Variants in SIPA1L2 observed in about 807,000 individuals in gnomAD.
SIPA1L2 encodes the protein signal-induced proliferation-associated 1-like protein 2.
A neutral mutation model predicts 163.9 loss-of-function variants in SIPA1L2; 56 were observed. The observed-to-expected ratio is 0.34, with a 90% confidence interval of 0.28 to 0.43. The LOEUF (loss-of-function observed/expected upper bound fraction) is 0.43, where lower values mean the gene tolerates loss of function less well. Ranked by LOEUF, SIPA1L2 falls within the 20% of genes least tolerant of loss-of-function variation. The probability of loss-of-function intolerance (pLI) is 1.00; values close to 1 mark genes in which losing one functional copy is unlikely to be tolerated. For synonymous variants in SIPA1L2, 877 were observed against 865.7 expected (o/e 1.01, Z -0.23); for missense variants, 1,974 against 2,193.5 (o/e 0.90, Z 2.00).
intron 1 of SIPA1L2, among the ~76,000 whole-genome samples, chr1:232,594,437 C>T (rs1479825777): frequency 2.0e-5 from 3 of 152,126 alleles, no homozygotes; most frequent in East Asian, 1.9e-4. Context: ...GAACACCGAG[C>T]GGAGCCAGGG....
chr1:232,618,294 C>T (rs920853452), intron 1 of SIPA1L2, among the ~76,000 whole-genome samples: 3 of 152,158 alleles, frequency 2.0e-5, no homozygotes, highest in South Asian at 2.1e-4. Flanking sequence ...GACCTGGGGG[C>T]GGAAGGGATG....
At chr1:232,483,693 G>T (rs1665484248) in intron 6 of SIPA1L2, 99 bp downstream of exon 6, 5 of 1,339,052 alleles carry the variant, frequency 3.7e-6, no homozygotes, top group East Asian at 2.4e-5. Flanking sequence ...TGCTTCTGGG[G>T]CCGGGAACAG....
Position 232,514,919 on chromosome 1 carries a change from T to C in SIPA1L2, c.421A>G (p.Ile141Val), listed in dbSNP as rs756401040. The C allele has an allele frequency of 1.5e-5, 25 of 1,614,156 alleles. No homozygotes were observed. In the East Asian group the frequency reaches 2.2e-4, roughly 14 times the overall value. Residue 141 changes from isoleucine to valine, a missense_variant, in exon 3 of 23, where the codon ATC becomes GTC. By Grantham distance (29) the Ile-to-Val change is conservative. Around this residue, in one of 3 missense-constraint regions of SIPA1L2, gnomAD observed 607 missense variants for 624.0 expected, o/e 0.97. Coordinates refer to ENST00000674635, the MANE Select transcript of SIPA1L2 (RefSeq NM_020808.5). The part of the protein sequence containing the change: ...DLDFVEAKYT[I>V]GDIFVHSPQR... Reference sequence around the variant, plus strand: ...GGGGAATGGACAAAGATGTCTCCGATTGTGTACTTGGCCTCCACGAAGTCC... The same window carrying C: ...GGGGAATGGACAAAGATGTCTCCGACTGTGTACTTGGCCTCCACGAAGTCC...
intron 1 of SIPA1L2, among the ~76,000 whole-genome samples, chr1:232,583,472 TGAA>T (rs1313920797): frequency 6.6e-6 from 1 of 152,186 alleles, no homozygotes; most frequent in African/African-American, 2.4e-5. Context: ...TGATACAGCC[TGAA>T]GACCATCCAT....
chr1:232,441,767 C>G lies in SIPA1L2; in HGVS notation c.3538+1G>C. On this transcript the variant is annotated splice_donor_variant, in intron 13 of 22. Coordinates refer to ENST00000674635, the MANE Select transcript of SIPA1L2 (RefSeq NM_020808.5). LOFTEE classifies it high-confidence loss of function. ...GTCAATTTCCAGGAGTTCCTTATTA[C>G]CCGGGTGCCTGCTTGCTTCCATGGT... 1 of 1,613,414 alleles carries G rather than the reference C, an allele frequency of 6.2e-7. No homozygotes were observed. The highest frequency in any genetic ancestry group is 8.5e-7 in the Non-Finnish European group (1 of 1,179,588).
chr1:232,540,578 G>A (rs1451661273), intron 2 of SIPA1L2, among the ~76,000 whole-genome samples: 1 of 152,102 alleles, frequency 6.6e-6, no homozygotes, highest in Non-Finnish European at 1.5e-5. Context: ...CCAACCAGGG[G>A]TATCTCTGGC....
chr1:232,615,770 G>T (rs971311866), intron 1 of SIPA1L2, among the ~76,000 whole-genome samples: 11 of 151,808 alleles, frequency 7.2e-5, no homozygotes, highest in African/African-American at 2.7e-4. Flanking sequence ...CTTCCAATGA[G>T]GGGGGGCAGG....
chr1:232,504,302 G>A (rs761625339), intron 3 of SIPA1L2, among the ~76,000 whole-genome samples: 2 of 152,174 alleles, frequency 1.3e-5, no homozygotes, highest in Non-Finnish European at 2.9e-5. Flanking sequence ...ACTTTGGAAG[G>A]CCGAGGCAGG....
intron 19 of SIPA1L2, among the ~76,000 whole-genome samples, chr1:232,409,566 C>A (rs997416818): frequency 1.3e-5 from 2 of 152,218 alleles, no homozygotes; most frequent in African/African-American, 4.8e-5. Context: ...CTGGGACATT[C>A]AAAACCAGGC....
At chr1:232,460,822 G>A (rs1047231683) in intron 10 of SIPA1L2, 65 bp downstream of exon 10, 44 of 1,560,120 alleles carry the variant, frequency 2.8e-5, no homozygotes, top group Non-Finnish European at 3.8e-5. Flanking sequence ...CAGGAGCACT[G>A]AGGACAGCCA....
intron 3 of SIPA1L2, among the ~76,000 whole-genome samples, chr1:232,501,734 C>T (rs1275084878): frequency 6.6e-6 from 1 of 152,170 alleles, no homozygotes; most frequent in Non-Finnish European, 1.5e-5. Flanking sequence ...ATGTAACCAG[C>T]CCTGTTTTCA....
At chr1:232,421,724 A>G (rs1043050117) in intron 18 of SIPA1L2, among the ~76,000 whole-genome samples, 27 of 152,058 alleles carry the variant, frequency 1.8e-4, no homozygotes, top group Admixed American at 6.5e-4. Flanking sequence ...AACATGTGCA[A>G]GTATTACATT....
chr1:232,610,727 C>T lies in SIPA1L2; in HGVS notation c.-319+19142G>A, dbSNP rs373571748. On this transcript the variant is annotated intron_variant, in intron 1 of 22. Coordinates refer to ENST00000674635, the MANE Select transcript of SIPA1L2 (RefSeq NM_020808.5). ...AGCCTTTCTCAGTGTGGAGTGGCAC[C>T]GTGTCATCTGTTCCCAAGTTGGAAC... Among the ~76,000 whole-genome samples, 39 of 152,156 alleles carry T rather than the reference C, an allele frequency of 2.6e-4. No homozygotes were observed. The East Asian group carries it at 6.0e-3, about 23-fold the overall frequency.
rs1398404863 is a variant in SIPA1L2 at position 232,513,921 on chromosome 1, C to G, written c.1419G>C (p.Lys473Asn). 6.2e-7 allele frequency: 1 copy of G among 1,613,658 alleles called. No homozygotes were observed. The highest frequency in any genetic ancestry group is 1.7e-5 in the Admixed American group (1 of 59,940). ...ENQPIHREKV[K>N]RYIIEHIDLG... ...GGTCAATGTGTTCTATGATGTAGCG[C>G]TTCACTTTCTCCCTGTGAATAGGCT... is the stretch of plus-strand genomic sequence containing the variant. The change falls in exon 3 of 23, where the codon AAG (lysine) becomes AAC (asparagine). Residue 473 changes from lysine (K) to asparagine (N), a missense_variant. Around this residue, in one of 3 missense-constraint regions of SIPA1L2, gnomAD observed 607 missense variants for 624.0 expected, o/e 0.97. Transcript: ENST00000674635.
rs978048599 is a variant in SIPA1L2, at chr1:232,516,923, T to C, written c.-269-1315A>G. ...ATGAGTAATATAGCCTGTCATGAGT[T>C]TGGAAAATATGTAACACCTGAAAAT... On this transcript the variant is annotated intron_variant, in intron 2 of 22. Transcript: ENST00000674635. 9.2e-5 allele frequency among the ~76,000 whole-genome samples: 14 copies of C among 152,276 alleles called. No individual in the cohort carries two copies. The South Asian group carries it at 2.3e-3, about 25-fold the overall frequency.
intron 5 of SIPA1L2, among the ~76,000 whole-genome samples, chr1:232,489,534 A>G (rs1665822631): frequency 6.6e-6 from 1 of 151,986 alleles, no homozygotes; most frequent in African/African-American, 2.4e-5. Context: ...TTCCTGAGAC[A>G]GATCTCAAGA....
chr1:232,577,117 T>A lies in SIPA1L2; in HGVS notation c.-318-2895A>T, dbSNP rs570450181. On this transcript the variant is annotated intron_variant, in intron 1 of 22. Transcript: ENST00000674635. Reference sequence around the variant, plus strand: ...GGCTAATTCTCTTGTTAGCAGTTAATGCAGCTGGTGACTTTAAGTTGAAAC... The same window carrying A: ...GGCTAATTCTCTTGTTAGCAGTTAAAGCAGCTGGTGACTTTAAGTTGAAAC... Among the ~76,000 whole-genome samples the A allele has an allele frequency of 9.8e-4, 150 of 152,358 alleles. 1 individual carries two copies. Among genetic ancestry groups the A allele is most frequent in the African/African-American group, 3.5e-3 (145 of 41,580 alleles).
intron 2 of SIPA1L2, among the ~76,000 whole-genome samples, chr1:232,568,474 G>A (rs1167083687): frequency 1.3e-5 from 2 of 152,172 alleles, no homozygotes; most frequent in Non-Finnish European, 2.9e-5. Flanking sequence ...AAAAAACACT[G>A]CTTTTTCACT....
At chr1:232,614,522 C>T (rs759162815) in intron 1 of SIPA1L2, among the ~76,000 whole-genome samples, 6 of 152,180 alleles carry the variant, frequency 3.9e-5, no homozygotes, top group Non-Finnish European at 7.4e-5. Context: ...GAAAACATAC[C>T]ATCTGCAGCT....
Sources: allele counts gnomAD v4.1 joint callset (sites outside exome capture counted in the v4.1 genomes callset), GRCh38; gene constraint gnomAD v4.1.1; regional missense constraint gnomAD v4.1.1; transcripts MANE v1.5; gene names NCBI Gene and HGNC (gene_info 2026-07-23, HGNC 2026-07-21).